Variants in NHSL1 observed in about 807,000 individuals in gnomAD.
NHSL1 encodes the protein NHS like 1.
NHSL1 carries 48 observed loss-of-function variants against 95.0 expected under a neutral mutation model. The observed-to-expected ratio is 0.51, with a 90% CI of 0.40 to 0.64. The LOEUF (loss-of-function observed/expected upper bound fraction) is 0.64, where lower values mean the gene tolerates loss of function less well. Ranked by LOEUF, NHSL1 falls within the 30% of genes least tolerant of loss-of-function variation. The pLI, the probability that NHSL1 is intolerant of heterozygous loss-of-function variation, is 0.00. For missense variants in NHSL1, 1,971 were observed against 2,077.7 expected (o/e 0.95, Z 1.00); for synonymous variants, 783 against 833.9 (o/e 0.94, Z 1.05).
intron 7 of NHSL1, among the ~76,000 whole-genome samples, chr6:138,429,030 C>T (rs1357292594): frequency 2.6e-5 from 4 of 152,154 alleles, no homozygotes; most frequent in South Asian, 4.1e-4. Context: ...AACTTCAGTG[C>T]TAAATCATAT....
intron 1 of NHSL1, among the ~76,000 whole-genome samples, chr6:138,673,459 CA>C (rs5880390): frequency 3.5e-4 from 50 of 142,182 alleles, no homozygotes; most frequent in Admixed American, 4.9e-4. Context: ...TTTACAGCTA[CA>C]AAAAAAAAAA....
At chr6:138,676,696 C>T (rs568994654) in intron 1 of NHSL1, among the ~76,000 whole-genome samples, 1 of 152,272 alleles carries the variant, frequency 6.6e-6, no homozygotes, top group Non-Finnish European at 1.5e-5. Context: ...GCTCTGTCAC[C>T]CAGGCTAGAG....
chr6:138,582,750 G>A lies in NHSL1; in HGVS notation c.97-86379C>T, dbSNP rs149434779. Among the ~76,000 whole-genome samples the A allele has an allele frequency of 7.8e-3, 1,186 of 152,196 alleles. 11 individuals carry two copies. Among genetic ancestry groups the A allele is most frequent in the African/African-American group, 0.027 (1,122 of 41,530 alleles). On this transcript the variant is annotated intron_variant, in intron 1 of 3. Coordinates refer to the NHSL1 transcript ENST00000491526. ...TCCTCCCTACCACCAGGCACACCACGCTCCATGCCTCCAGGCCCTTGACTC... is the reference window on the plus strand; with the variant it reads ...TCCTCCCTACCACCAGGCACACCACACTCCATGCCTCCAGGCCCTTGACTC...
chr6:138,530,470 T>A (rs951912714), intron 1 of NHSL1, among the ~76,000 whole-genome samples: 5 of 152,196 alleles, frequency 3.3e-5, no homozygotes, highest in Non-Finnish European at 7.4e-5. Context: ...AAAAGATACA[T>A]GCACATGCAT....
intron 1 of NHSL1, among the ~76,000 whole-genome samples, chr6:138,691,010 T>G (rs900303464): frequency 6.6e-6 from 1 of 152,208 alleles, no homozygotes; most frequent in Non-Finnish European, 1.5e-5. Flanking sequence ...CAGATCTCCC[T>G]CATCACATTC....
chr6:138,537,066 TTC>T (rs1359970698), intron 1 of NHSL1, among the ~76,000 whole-genome samples: 1 of 152,224 alleles, frequency 6.6e-6, no homozygotes, highest in Non-Finnish European at 1.5e-5. Context: ...ACCCATAGAT[TTC>T]TCTCTTCCTG....
At chr6:138,649,114 T>A (rs1204289066) in intron 1 of NHSL1, among the ~76,000 whole-genome samples, 10 of 152,102 alleles carry the variant, frequency 6.6e-5, no homozygotes, top group Non-Finnish European at 1.2e-4. Flanking sequence ...CTACACTTCA[T>A]CCACCATTAG....
intron 1 of NHSL1, among the ~76,000 whole-genome samples, chr6:138,624,990 G>T (rs1036309123): frequency 1.3e-5 from 2 of 152,148 alleles, no homozygotes; most frequent in East Asian, 3.8e-4. Context: ...AATATAGTGT[G>T]TGTGTGTGAG....
chr6:138,615,273 T>C lies in NHSL1; in HGVS notation c.96+77203A>G, dbSNP rs536347183. Among the ~76,000 whole-genome samples the C allele has an allele frequency of 2.6e-5, 4 of 152,350 alleles. No homozygotes were observed. In the East Asian group the frequency reaches 7.7e-4, roughly 29 times the overall value. On this transcript the variant is annotated intron_variant, in intron 1 of 3. Coordinates refer to the NHSL1 transcript ENST00000491526. ...TTGTTGCTTGTTCAAGGCACTCTTA[T>C]CATATGTTTACAATGTTGCTTTCCA...
Position 138,691,410 on chromosome 6 carries a change from T to G in NHSL1, c.96+1066A>C, listed in dbSNP as rs562779626. ...TCACTGAAATTAAATAATTGAAAATTTTGAACTCTTAGGCTGTAAGGTAGT... is the reference window on the plus strand; with the variant it reads ...TCACTGAAATTAAATAATTGAAAATGTTGAACTCTTAGGCTGTAAGGTAGT... On this transcript the variant is annotated intron_variant, in intron 1 of 3. Transcript: ENST00000491526. 2.1e-4 allele frequency among the ~76,000 whole-genome samples: 32 copies of G among 152,298 alleles called. No individual in the cohort carries two copies. The South Asian group carries it at 6.4e-3, about 31-fold the overall frequency.
intron 1 of NHSL1, among the ~76,000 whole-genome samples, chr6:138,511,575 C>T (rs1255540118): frequency 6.6e-6 from 1 of 152,110 alleles, no homozygotes; most frequent in Admixed American, 6.6e-5. Context: ...GCATGAGCCA[C>T]CACGCCCAGC....
intron 1 of NHSL1, among the ~76,000 whole-genome samples, chr6:138,622,467 C>T (rs1392934058): frequency 6.6e-6 from 1 of 152,008 alleles, no homozygotes; most frequent in African/African-American, 2.4e-5. Context: ...GCCTGGGTGA[C>T]AGAGCAAGAC....
At chr6:138,499,536 G>T, upstream of NHSL1, 1 of 707,576 alleles carries the variant, frequency 1.4e-6, no homozygotes, top group South Asian at 3.6e-5. Context: ...GCTGAGAGCA[G>T]CCAGTGACAT....
upstream of NHSL1, among the ~76,000 whole-genome samples, chr6:138,573,626 C>T (rs939632176): frequency 2.0e-5 from 3 of 152,148 alleles, no homozygotes; most frequent in Admixed American, 1.3e-4. Flanking sequence ...TCATATTACA[C>T]CATGTAAATA....
intron 7 of NHSL1, among the ~76,000 whole-genome samples, chr6:138,425,624 G>A (rs1328796785): frequency 6.6e-6 from 1 of 152,082 alleles, no homozygotes; most frequent in African/African-American, 2.4e-5. Flanking sequence ...CTCCTAGACG[G>A]GCTGATCCGG....
At chr6:138,502,307 CA>C (rs1780727148), upstream of NHSL1, among the ~76,000 whole-genome samples, 1 of 152,140 alleles carries the variant, frequency 6.6e-6, no homozygotes, top group African/African-American at 2.4e-5. Flanking sequence ...TGAGCATGAG[CA>C]CAGGGAAATG....
intron 5 of NHSL1, among the ~76,000 whole-genome samples, chr6:138,440,958 G>A (rs558522767): frequency 6.6e-6 from 1 of 152,296 alleles, no homozygotes; most frequent in African/African-American, 2.4e-5. Flanking sequence ...AAAGAGGAAA[G>A]GACACATTTC....
intron 1 of NHSL1, among the ~76,000 whole-genome samples, chr6:138,649,247 C>T (rs1170683798): frequency 2.6e-5 from 4 of 152,100 alleles, no homozygotes; most frequent in African/African-American, 9.7e-5. Context: ...TACACTTCAT[C>T]TAGTCAGTCG....
chr6:138,563,287 CT>C (rs1388787869), intron 1 of NHSL1, among the ~76,000 whole-genome samples: 1 of 152,160 alleles, frequency 6.6e-6, no homozygotes, highest in Non-Finnish European at 1.5e-5. Flanking sequence ...TATTGTTAAG[CT>C]TATGGATAGG....
Sources: gnomAD v4.1 joint callset for allele counts (sites outside exome capture counted in the v4.1 genomes callset) on GRCh38, gnomAD v4.1.1 for gene constraint, MANE v1.5 for transcripts, NCBI Gene and HGNC (gene_info 2026-07-23, HGNC 2026-07-21) for gene names.